ACACA: variants seen among roughly 807,000 people sequenced by gnomAD.
ACACA encodes acetyl-CoA carboxylase alpha.
Under a neutral mutation model 296.1 loss-of-function variants are expected in ACACA, and 103 were observed. The observed-to-expected ratio is 0.35, with a 90% CI of 0.30 to 0.41. The LOEUF is 0.41. Among genes scored for constraint, ACACA ranks in the 10% least tolerant of loss-of-function variants. The probability of loss-of-function intolerance (pLI) is 1.00; values close to 1 mark genes in which losing one functional copy is unlikely to be tolerated. For synonymous variants in ACACA, 953 were observed against 1,038.6 expected, an observed-to-expected ratio of 0.92 and a Z score of 1.58; for missense variants, 1,554 against 2,989.7, an observed-to-expected ratio of 0.52 and a Z score of 11.20.
intron 41 of ACACA, among the ~76,000 whole-genome samples, chr17:37,172,624 C>A (rs2076922621): frequency 1.3e-5 from 2 of 152,248 alleles, no homozygotes; most frequent in Admixed American, 6.5e-5. Flanking sequence ...CATAATATAT[C>A]TTTCTCTATA....
rs369201943 is a variant in ACACA at position 37,258,260 on chromosome 17, T to C, written c.1614A>G (p.Pro538=). The C allele has an allele frequency of 2.5e-5, 41 of 1,613,992 alleles. No homozygotes were observed. Among genetic ancestry groups the C allele is most frequent in the Non-Finnish European group, 3.5e-5 (41 of 1,179,994 alleles). ...TCCGAGCAGCAATAACATGGCCCCT[T>C]GGACAAGGAACGTGTGCAGAATCTT... The part of the protein sequence containing the change: ...DFEDSAHVPC[P]RGHVIAARIT... Residue 538 remains proline, a synonymous_variant, in exon 13 of 56, where the codon CCA becomes CCG. Transcript: ENST00000616317.
intron 39 of ACACA, among the ~76,000 whole-genome samples, chr17:37,185,378 G>T (rs372146142): frequency 6.9e-6 from 1 of 144,518 alleles, no homozygotes; most frequent in Non-Finnish European, 1.5e-5. Context: ...TACTACAGGT[G>T]CATGACACCA....
rs149870894 is a variant in ACACA at position 37,158,191 on chromosome 17, A to C, written c.5350-2411T>G. Among the ~76,000 whole-genome samples the C allele has an allele frequency of 9.8e-3, 1,487 of 152,292 alleles. 10 individuals carry two copies. The highest frequency in any genetic ancestry group is 0.014 in the Non-Finnish European group (942 of 68,034). On this transcript the variant is annotated intron_variant, in intron 42 of 55. Transcript: ENST00000616317. ...AGAAGACTGTGGGAAGAACACATTA[A>C]AGGAAGATTAGAAGCTACAATTTAG...
intron 49 of ACACA, 36 bp downstream of exon 49, chr17:37,122,495 C>T: frequency 6.4e-7 from 1 of 1,563,894 alleles, no homozygotes; most frequent in South Asian, 1.1e-5. Context: ...GAAAAACCCT[C>T]CAAGCACAGC....
chr17:37,196,933 C>T (rs1187673609), intron 35 of ACACA, among the ~76,000 whole-genome samples: 1 of 151,872 alleles, frequency 6.6e-6, no homozygotes, highest in East Asian at 1.9e-4. Flanking sequence ...CAAAAAGAGA[C>T]TTGTTTTTCC....
intron 51 of ACACA, among the ~76,000 whole-genome samples, chr17:37,112,477 C>T (rs1211984317): frequency 6.6e-6 from 1 of 152,140 alleles, no homozygotes; most frequent in Non-Finnish European, 1.5e-5. Context: ...CCAAATATAA[C>T]AAGAGGCAGA....
chr17:37,297,185 T>C (rs2083381743), intron 3 of ACACA, among the ~76,000 whole-genome samples: 1 of 151,548 alleles, frequency 6.6e-6, no homozygotes, highest in Non-Finnish European at 1.5e-5. Context: ...CTCACGCCTG[T>C]AATCCCAGCA....
chr17:37,192,313 C>T lies in ACACA; in HGVS notation c.4201-8G>A, dbSNP rs778635815. 2 of 1,612,968 alleles carry T rather than the reference C, an allele frequency of 1.2e-6. No individual in the cohort carries two copies. Among genetic ancestry groups the T allele is most frequent in the South Asian group, 2.2e-5 (2 of 91,042 alleles). On this transcript the variant is annotated splice_region_variant and splice_polypyrimidine_tract_variant and intron_variant, in intron 36 of 55. Transcript: ENST00000616317. ...GATACGATCCTCCTCAAACTGAGTACAAGAATCAGAGAAAAAACAGCTCAC... is the reference window on the plus strand; with the variant it reads ...GATACGATCCTCCTCAAACTGAGTATAAGAATCAGAGAAAAAACAGCTCAC...
At chr17:37,149,585 G>A (rs2075955124) in intron 45 of ACACA, among the ~76,000 whole-genome samples, 3 of 152,114 alleles carry the variant, frequency 2.0e-5, no homozygotes, top group Non-Finnish European at 2.9e-5. Context: ...TTAGAGCAGC[G>A]GTTTTATATG....
chr17:37,239,302 A>G (rs2080273810), intron 24 of ACACA, among the ~76,000 whole-genome samples: 1 of 152,208 alleles, frequency 6.6e-6, no homozygotes, highest in South Asian at 2.1e-4. Context: ...ACACCCTATC[A>G]TATTTAATAA....
intron 1 of ACACA, among the ~76,000 whole-genome samples, chr17:37,398,373 G>A (rs1239275968): frequency 2.4e-5 from 3 of 123,632 alleles, no homozygotes; most frequent in South Asian, 6.0e-4. Context: ...TGCAATCTCC[G>A]CCTCCTGGGT....
intron 3 of ACACA, among the ~76,000 whole-genome samples, chr17:37,297,261 G>C (rs892439024): frequency 1.3e-5 from 2 of 151,036 alleles, no homozygotes; most frequent in African/African-American, 4.9e-5. Flanking sequence ...GACCAACATG[G>C]AGAAACCCCA....
intron 32 of ACACA, 36 bp downstream of exon 32, chr17:37,206,746 AG>A (rs1176056098): frequency 1.3e-6 from 2 of 1,489,164 alleles, no homozygotes; most frequent in Admixed American, 3.3e-5. Context: ...CCCATGTCTG[AG>A]GGGAACAAAG....
At chr17:37,364,980 A>AT (rs1555662191) in intron 1 of ACACA, among the ~76,000 whole-genome samples, 3 of 151,672 alleles carry the variant, frequency 2.0e-5, no homozygotes, top group South Asian at 2.1e-4. Context: ...ACAGTTCAGA[A>AT]TTTTTTTTCT....
chr17:37,389,469 G>T, intron 1 of ACACA: 1 of 1,437,058 alleles, frequency 7.0e-7, no homozygotes. Context: ...GGCTGAGGCA[G>T]GTGGATCACC....
Position 37,280,934 on chromosome 17 carries a change from T to C in ACACA, c.610+2333A>G, listed in dbSNP as rs562798807. ...AATTTCTAGAAAACCACTTGTGTCATACCTTTATGCATTTGCAATGCTGTT... is the reference window on the plus strand; with the variant it reads ...AATTTCTAGAAAACCACTTGTGTCACACCTTTATGCATTTGCAATGCTGTT... On this transcript the variant is annotated intron_variant, in intron 5 of 55. Coordinates refer to ENST00000616317, the MANE Select transcript of ACACA (RefSeq NM_198834.3). Among the ~76,000 whole-genome samples the C allele has an allele frequency of 3.9e-5, 6 of 152,302 alleles. No individual in the cohort carries two copies. The East Asian group carries it at 7.7e-4, about 20-fold the overall frequency.
chr17:37,379,159 G>A, intron 1 of ACACA: 2 of 1,613,672 alleles, frequency 1.2e-6, no homozygotes, highest in Non-Finnish European at 1.7e-6. Context: ...AAACCAAAAG[G>A]ACAACATTCA....
chr17:37,252,790 A>T, intron 15 of ACACA, 96 bp downstream of exon 15: 1 of 1,522,720 alleles, frequency 6.6e-7, no homozygotes, highest in Non-Finnish European at 9.0e-7. Context: ...AGAACCATTT[A>T]CATTAGAATC....
intron 2 of ACACA, among the ~76,000 whole-genome samples, chr17:37,332,874 C>T (rs1426483059): frequency 6.7e-6 from 1 of 149,222 alleles, no homozygotes; most frequent in Non-Finnish European, 1.5e-5. Flanking sequence ...CATGCCTCTG[C>T]ACTCCAGCCT....
Sources: gnomAD v4.1 joint callset for allele counts (sites outside exome capture counted in the v4.1 genomes callset) on GRCh38, gnomAD v4.1.1 for gene constraint, MANE v1.5 for transcripts, NCBI Gene and HGNC (gene_info 2026-07-23, HGNC 2026-07-21) for gene names.